SATB2: variants seen among roughly 807,000 people sequenced by gnomAD.
The protein encoded by SATB2 is SATB homeobox 2.
SATB2 carries 1 observed loss-of-function variant against 73.4 expected under a neutral mutation model. The observed-to-expected ratio is 0.01, with a 90% confidence interval of 0.00 to 0.06. The LOEUF (loss-of-function observed/expected upper bound fraction) is 0.06, where lower values mean the gene tolerates loss of function less well. Ranked by LOEUF, SATB2 falls within the 10% of genes least tolerant of loss-of-function variation. The probability of loss-of-function intolerance (pLI) is 1.00; values close to 1 mark genes in which losing one functional copy is unlikely to be tolerated. For synonymous variants in SATB2, 397 were observed against 367.0 expected (o/e 1.08, Z -0.93); for missense variants, 459 against 945.8 (o/e 0.49, Z 6.75).
chr2:199,373,847 G>T (rs1401520450), intron 5 of SATB2, among the ~76,000 whole-genome samples: 1 of 152,186 alleles, frequency 6.6e-6, no homozygotes, highest in African/African-American at 2.4e-5. Context: ...ACAGACAGTT[G>T]GCAACTGGTT....
chr2:199,384,728 T>C (rs554213682), intron 3 of SATB2, among the ~76,000 whole-genome samples: 1 of 152,264 alleles, frequency 6.6e-6, no homozygotes, highest in East Asian at 1.9e-4. Context: ...ACCAAGTTAC[T>C]TAAAATTCTC....
At chr2:199,334,085 T>G (rs1688268043) in intron 7 of SATB2, among the ~76,000 whole-genome samples, 1 of 152,152 alleles carries the variant, frequency 6.6e-6, no homozygotes, top group African/African-American at 2.4e-5. Flanking sequence ...TATTCATTTA[T>G]CATAGAAAGG....
At chr2:199,314,707 T>G (rs933682796) in intron 9 of SATB2, among the ~76,000 whole-genome samples, 2 of 152,078 alleles carry the variant, frequency 1.3e-5, no homozygotes, top group Non-Finnish European at 2.9e-5. Flanking sequence ...TCTTGGAAGA[T>G]AAAGATAGAT....
intron 10 of SATB2, among the ~76,000 whole-genome samples, chr2:199,291,526 G>A (rs897957237): frequency 2.0e-5 from 3 of 152,084 alleles, no homozygotes; most frequent in African/African-American, 7.2e-5. Flanking sequence ...TACCCTTACT[G>A]AGAGTACAGT....
At chr2:199,285,171 A>G in intron 10 of SATB2, among the ~76,000 whole-genome samples, 1 of 152,158 alleles carries the variant, frequency 6.6e-6, no homozygotes, top group East Asian at 1.9e-4. Context: ...CAATAGTAAC[A>G]GTGAAAAGAG....
At chr2:199,418,710 A>C (rs1691073376) in intron 3 of SATB2, among the ~76,000 whole-genome samples, 1 of 152,216 alleles carries the variant, frequency 6.6e-6, no homozygotes, top group South Asian at 2.1e-4. Context: ...GTAATAGAAA[A>C]TGTACCCAAA....
chr2:199,273,951 T>C (rs1288755740), intron 10 of SATB2, among the ~76,000 whole-genome samples: 5 of 152,138 alleles, frequency 3.3e-5, no homozygotes, highest in Admixed American at 3.3e-4. Context: ...GCCCACACCT[T>C]ACAGCTTCAG....
intron 3 of SATB2, among the ~76,000 whole-genome samples, chr2:199,430,324 C>T (rs1444208210): frequency 1.3e-5 from 2 of 152,240 alleles, no homozygotes; most frequent in Non-Finnish European, 2.9e-5. Context: ...CGTGTACTCA[C>T]GGCCCATCAT....
chr2:199,281,895 T>C (rs979438184), intron 10 of SATB2, among the ~76,000 whole-genome samples: 6 of 151,650 alleles, frequency 4.0e-5, no homozygotes, highest in African/African-American at 7.3e-5. Context: ...TTTTTTTTTT[T>C]TTTTGAGACA....
intron 2 of SATB2, among the ~76,000 whole-genome samples, chr2:199,436,424 TAAAAAAAAAC>T (rs962088233): frequency 2.3e-4 from 35 of 149,946 alleles, no homozygotes; most frequent in African/African-American, 8.5e-4. Flanking sequence ...ATCATCTATT[TAAAAAAAAAC>T]AAAACAAAAC....
upstream of SATB2, chr2:199,458,070 G>A (rs1279758051): frequency 1.9e-5 from 3 of 153,900 alleles, no homozygotes; most frequent in South Asian, 3.8e-4. Flanking sequence ...TCGGTCCCCA[G>A]ATCTAGCGCC....
intron 2 of SATB2, among the ~76,000 whole-genome samples, chr2:199,439,307 G>A (rs1691740356): frequency 6.6e-6 from 1 of 152,214 alleles, no homozygotes; most frequent in Non-Finnish European, 1.5e-5. Context: ...GATGAGAGGA[G>A]GCCAGGCTTT....
intron 2 of SATB2, among the ~76,000 whole-genome samples, chr2:199,443,884 C>A (rs1049526701): frequency 1.3e-5 from 2 of 152,192 alleles, no homozygotes; most frequent in African/African-American, 4.8e-5. Context: ...ATTCTCCAGT[C>A]CCCTTAGGGG....
chr2:199,355,726 G>C (rs1463567841), intron 6 of SATB2, among the ~76,000 whole-genome samples: 1 of 152,038 alleles, frequency 6.6e-6, no homozygotes, highest in Non-Finnish European at 1.5e-5. Flanking sequence ...ATCTTTAAAA[G>C]TACCGTTTTA....
At chr2:199,427,527 CT>C (rs1299772792) in intron 3 of SATB2, among the ~76,000 whole-genome samples, 1 of 151,804 alleles carries the variant, frequency 6.6e-6, no homozygotes, top group Non-Finnish European at 1.5e-5. Context: ...CTAAGATAGT[CT>C]TTATCTTTTA....
chr2:199,450,119 G>A (rs1692081016), intron 2 of SATB2, among the ~76,000 whole-genome samples: 1 of 152,042 alleles, frequency 6.6e-6, no homozygotes, highest in African/African-American at 2.4e-5. Context: ...CAAAGCTTCT[G>A]AAAAGAGACT....
At chr2:199,319,858 A>G (rs1227852463) in intron 9 of SATB2, among the ~76,000 whole-genome samples, 1 of 152,246 alleles carries the variant, frequency 6.6e-6, no homozygotes, top group Non-Finnish European at 1.5e-5. Context: ...TGAGAAGAAA[A>G]AAACAATCAG....
At chr2:199,371,232 T>G (rs144310305) in intron 5 of SATB2, among the ~76,000 whole-genome samples, 1 of 152,288 alleles carries the variant, frequency 6.6e-6, no homozygotes, top group African/African-American at 2.4e-5. Context: ...AACCCTACAT[T>G]AGACTGTTAA....
chr2:199,296,285 C>T (rs978734723), intron 10 of SATB2, among the ~76,000 whole-genome samples: 1 of 152,138 alleles, frequency 6.6e-6, no homozygotes, highest in Admixed American at 6.6e-5. Context: ...TTTGCACCCT[C>T]ATTAAAATAC....
Sources: gnomAD v4.1 joint callset for allele counts (sites outside exome capture counted in the v4.1 genomes callset) on GRCh38, gnomAD v4.1.1 for gene constraint, MANE v1.5 for transcripts, NCBI Gene and HGNC (gene_info 2026-07-23, HGNC 2026-07-21) for gene names.